Variants in SIMC1 observed in about 807,000 individuals in gnomAD.
The protein encoded by SIMC1 is SUMO-interacting motif-containing protein 1.
SIMC1 carries 55 observed loss-of-function variants against 82.3 expected under a neutral mutation model. That is an observed-to-expected ratio of 0.67 (90% CI 0.54 to 0.84). The LOEUF is 0.84. Ranked by LOEUF, SIMC1 falls within the 40% of genes least tolerant of loss-of-function variation. The pLI, the probability that SIMC1 is intolerant of heterozygous loss-of-function variation, is 0.00. For missense variants in SIMC1, 915 were observed against 1,107.2 expected (o/e 0.83, Z 2.46); for synonymous variants, 353 against 426.3 (o/e 0.83, Z 2.12).
At chr5:176,283,974 ACTAT>A (rs1763140002) in intron 1 of SIMC1, among the ~76,000 whole-genome samples, 1 of 152,252 alleles carries the variant, frequency 6.6e-6, no homozygotes, top group African/African-American at 2.4e-5. Context: ...AGAAGACCTA[ACTAT>A]CCTAAATATA....
At chr5:176,286,801 A>G (rs1342814342) in intron 1 of SIMC1, among the ~76,000 whole-genome samples, 4 of 152,192 alleles carry the variant, frequency 2.6e-5, no homozygotes, top group Non-Finnish European at 5.9e-5. Context: ...AATCAACCCT[A>G]TCAAAAAGTG....
intron 1 of SIMC1, among the ~76,000 whole-genome samples, chr5:176,243,818 C>T (rs1482668059): frequency 6.6e-6 from 1 of 151,452 alleles, no homozygotes; most frequent in Non-Finnish European, 1.5e-5. Context: ...TGCACCTAGC[C>T]TTGATTTACA....
intron 1 of SIMC1, among the ~76,000 whole-genome samples, chr5:176,287,462 A>G (rs1218020335): frequency 6.6e-6 from 1 of 152,050 alleles, no homozygotes; most frequent in Admixed American, 6.6e-5. Flanking sequence ...GGCAACATCA[A>G]CACACCGGGG....
In SIMC1 at chr5:176,261,792, G is replaced by A. The variant is rs548996857; in HGVS notation, c.129+23155G>A. Among the ~76,000 whole-genome samples, 322 of 151,882 alleles carry A rather than the reference G, an allele frequency of 2.1e-3. 2 individuals are homozygous for A. Among genetic ancestry groups the A allele is most frequent in the African/African-American group, 7.4e-3 (307 of 41,446 alleles). On this transcript the variant is annotated intron_variant, in intron 1 of 9. Coordinates refer to ENST00000429602, the MANE Select transcript of SIMC1 (RefSeq NM_001308195.2). ...AAAGTTTTATGAATAAGTAATTTAA[G>A]TAGACCTATATTCAATAAAGAAATA... is the stretch of plus-strand genomic sequence containing the variant.
intron 1 of SIMC1, among the ~76,000 whole-genome samples, chr5:176,254,081 T>C (rs942930214): frequency 1.3e-5 from 2 of 152,174 alleles, no homozygotes; most frequent in African/African-American, 4.8e-5. Flanking sequence ...TAATAGATAA[T>C]ATAGACCAAT....
intron 4 of SIMC1, chr5:176,308,664 G>A: frequency 6.4e-7 from 1 of 1,569,282 alleles, no homozygotes; most frequent in South Asian, 1.1e-5. Context: ...CATCTCCATT[G>A]AGGGCCAGAA....
intron 7 of SIMC1, among the ~76,000 whole-genome samples, chr5:176,329,146 A>T (rs527352853): frequency 6.6e-6 from 1 of 152,174 alleles, no homozygotes; most frequent in Non-Finnish European, 1.5e-5. Flanking sequence ...TTACCTGTGT[A>T]GATTTTTATG....
intron 1 of SIMC1, among the ~76,000 whole-genome samples, chr5:176,273,724 A>T (rs1335808529): frequency 1.3e-5 from 2 of 152,028 alleles, no homozygotes; most frequent in African/African-American, 4.8e-5. Context: ...CTCATTGTTC[A>T]ATTCCCACCT....
chr5:176,256,438 TATACTC>T (rs1430496016), intron 1 of SIMC1, among the ~76,000 whole-genome samples: 2 of 152,212 alleles, frequency 1.3e-5, no homozygotes, highest in Non-Finnish European at 2.9e-5. Context: ...CTTTCCATGA[TATACTC>T]AGACCTTCTA....
intron 1 of SIMC1, among the ~76,000 whole-genome samples, chr5:176,267,762 T>G (rs1303615354): frequency 1.8e-5 from 1 of 54,300 alleles, no homozygotes; most frequent in Non-Finnish European, 3.4e-5. Context: ...TTTTTTTTTT[T>G]GTCCCCCAGG....
chr5:176,265,118 A>T (rs1180159329), intron 1 of SIMC1, among the ~76,000 whole-genome samples: 1 of 152,190 alleles, frequency 6.6e-6, no homozygotes, highest in Non-Finnish European at 1.5e-5. Flanking sequence ...CTCAAGGAAT[A>T]TACCCACCCC....
intron 4 of SIMC1, among the ~76,000 whole-genome samples, chr5:176,310,956 A>G (rs1764640167): frequency 6.6e-6 from 1 of 152,200 alleles, no homozygotes; most frequent in African/African-American, 2.4e-5. Flanking sequence ...AAAATAAGCT[A>G]AGTGAAAGAA....
intron 1 of SIMC1, among the ~76,000 whole-genome samples, chr5:176,250,721 T>C (rs1025161745): frequency 5.3e-5 from 8 of 152,206 alleles, no homozygotes; most frequent in African/African-American, 1.9e-4. Flanking sequence ...TGTAATGGCC[T>C]TCTTTGTCTA....
chr5:176,256,389 G>T (rs1016428885), intron 1 of SIMC1, among the ~76,000 whole-genome samples: 14 of 151,932 alleles, frequency 9.2e-5, no homozygotes, highest in Admixed American at 3.9e-4. Context: ...AGCCAACTTG[G>T]TCACCACAAA....
At chr5:176,312,461 G>A (rs202195721) in intron 4 of SIMC1, among the ~76,000 whole-genome samples, 2 of 147,182 alleles carry the variant, frequency 1.4e-5, no homozygotes, top group Non-Finnish European at 3.0e-5. Context: ...GCTTGAGCCT[G>A]GGAGGCAGAG....
intron 6 of SIMC1, among the ~76,000 whole-genome samples, chr5:176,324,234 G>A (rs930488394): frequency 4.6e-5 from 7 of 152,136 alleles, no homozygotes; most frequent in African/African-American, 7.2e-5. Context: ...ATTTTCTCCT[G>A]TATCAAAGAA....
intron 1 of SIMC1, among the ~76,000 whole-genome samples, chr5:176,265,018 A>G (rs1454166352): frequency 3.3e-5 from 5 of 152,164 alleles, no homozygotes; most frequent in Non-Finnish European, 7.3e-5. Context: ...AAAAAGCAAA[A>G]TAGGAAAGGG....
intron 1 of SIMC1, among the ~76,000 whole-genome samples, chr5:176,243,696 A>C (rs4257790): frequency 3.2e-4 from 48 of 151,782 alleles, no homozygotes; most frequent in African/African-American, 1.1e-3. Context: ...AATTTTTTGT[A>C]TTTTAGTAGA....
At chr5:176,303,926 A>G (rs1316264262) in intron 4 of SIMC1, among the ~76,000 whole-genome samples, 2 of 152,230 alleles carry the variant, frequency 1.3e-5, no homozygotes, top group Non-Finnish European at 2.9e-5. Context: ...AGACCTGAAT[A>G]TAAGACCCAA....
Sources: gnomAD v4.1 joint callset for allele counts (sites outside exome capture counted in the v4.1 genomes callset) on GRCh38, gnomAD v4.1.1 for gene constraint, MANE v1.5 for transcripts, NCBI Gene and HGNC (gene_info 2026-07-23, HGNC 2026-07-21) for gene names.